Variants in CDC25B observed in about 807,000 individuals in gnomAD.
CDC25B encodes the protein cell division cycle 25B.
Under a neutral mutation model 69.8 loss-of-function variants are expected in CDC25B, and 33 were observed. That is an observed-to-expected ratio of 0.47 (90% confidence interval 0.36 to 0.63). The LOEUF (loss-of-function observed/expected upper bound fraction) is 0.63, where lower values mean the gene tolerates loss of function less well. Ranked by LOEUF, CDC25B falls within the 30% of genes least tolerant of loss-of-function variation. The pLI, the probability that CDC25B is intolerant of heterozygous loss-of-function variation, is 0.00. For synonymous variants in CDC25B, 341 were observed against 314.6 expected, an observed-to-expected ratio of 1.08 and a Z score of -0.89; for missense variants, 727 against 809.1, an observed-to-expected ratio of 0.90 and a Z score of 1.23.
Position 3,803,315 on chromosome 20 carries a change from G to T in CDC25B, c.1357-89G>T. 1 of 1,588,712 alleles carries T rather than the reference G, an allele frequency of 6.3e-7. No individual in the cohort carries two copies. The highest frequency in any genetic ancestry group is 8.6e-7 in the Non-Finnish European group (1 of 1,159,822). On this transcript the variant is annotated intron_variant, in intron 13 of 15. Coordinates refer to ENST00000245960, the MANE Select transcript of CDC25B (RefSeq NM_021873.4). This position sits in a 1 kb window ranked among gnomAD's most constrained non-coding sequence, Gnocchi z 4.9. ...ACGGGTGCCCCCTCTCATGGGGAGG[G>T]TTCCTACTAAGAGAAGGACAGCGAC...
At chr20:3,793,251 A>G (rs1326900534), upstream of CDC25B, among the ~76,000 whole-genome samples, 2 of 152,176 alleles carry the variant, frequency 1.3e-5, no homozygotes, top group Non-Finnish European at 2.9e-5. Flanking sequence ...TGAGGTCAGG[A>G]GTTCGAGACC....
chr20:3,802,433 T>A, intron 11 of CDC25B, 57 bp downstream of exon 11: 2 of 1,232,390 alleles, frequency 1.6e-6, no homozygotes, highest in Non-Finnish European at 2.4e-6. Context: ...TGACTAGGGG[T>A]CCTCTAGCCC....
chr20:3,792,180 C>T (rs1185065584), upstream of CDC25B, among the ~76,000 whole-genome samples: 3 of 152,310 alleles, frequency 2.0e-5, no homozygotes, highest in Non-Finnish European at 4.4e-5. Context: ...TCCCAAAGTA[C>T]TGGGATTACA....
intron 1 of CDC25B, among the ~76,000 whole-genome samples, chr20:3,797,107 G>T (rs575656317): frequency 6.6e-6 from 1 of 152,334 alleles, no homozygotes; most frequent in African/African-American, 2.4e-5. Context: ...TGGCAGAGCC[G>T]TGGAGCACTC....
chr20:3,797,514 G>A (rs2089102640), intron 1 of CDC25B, 108 bp from the exon 2 acceptor site: 4 of 1,394,374 alleles, frequency 2.9e-6, no homozygotes, highest in Non-Finnish European at 3.9e-6. Context: ...TCCCGGTGTA[G>A]TGTTTCGCTC....
intron 8 of CDC25B, 109 bp downstream of exon 8, chr20:3,801,497 A>T: frequency 7.3e-7 from 1 of 1,364,304 alleles, no homozygotes; most frequent in Non-Finnish European, 1.0e-6. Context: ...CCAGTGTCAG[A>T]AGAAGAATCT....
chr20:3,797,288 G>A (rs2089091448), intron 1 of CDC25B, among the ~76,000 whole-genome samples: 1 of 152,200 alleles, frequency 6.6e-6, no homozygotes, highest in African/African-American at 2.4e-5. Context: ...GTGGGGGTCT[G>A]ACAGTTTAGG....
At chr20:3,796,140 A>AT, upstream of CDC25B, 4 of 1,086,988 alleles carry the variant, frequency 3.7e-6, no homozygotes, top group Non-Finnish European at 4.5e-6. Context: ...ATAAATCTTA[A>AT]TTCCTCCGGC....
chr20:3,794,135 A>C (rs1022306012), upstream of CDC25B, among the ~76,000 whole-genome samples: 4 of 150,530 alleles, frequency 2.7e-5, no homozygotes, highest in African/African-American at 9.8e-5. Flanking sequence ...GGCTGGGTCA[A>C]ATGGTATTTC....
At chr20:3,788,515 T>A (rs1274752654) in intron 1 of CDC25B, among the ~76,000 whole-genome samples, 1 of 152,232 alleles carries the variant, frequency 6.6e-6, no homozygotes, top group Admixed American at 6.5e-5. Context: ...TTTTTCCTTA[T>A]TGCTTCGGGG....
At chr20:3,797,870 G>C (rs2089121268) in intron 2 of CDC25B, 121 bp downstream of exon 2, 3 of 1,236,912 alleles carry the variant, frequency 2.4e-6, no homozygotes. Context: ...GGTGGGCCCA[G>C]GAGCCTCTCC....
chr20:3,787,045 A>G, exon 1 of CDC25B: 1 of 583,666 alleles, frequency 1.7e-6, no homozygotes, highest in Non-Finnish European at 3.0e-6. Flanking sequence ...TTTTTTTTTT[A>G]ATTAAGGTAA....
chr20:3,797,593 C>T, intron 1 of CDC25B, 29 bp from the exon 2 acceptor site: 1 of 1,613,162 alleles, frequency 6.2e-7, no homozygotes, highest in Non-Finnish European at 8.5e-7. Flanking sequence ...TTACCTTTCT[C>T]CTTTCCCGGG....
Position 3,800,714 on chromosome 20 carries a change from TCTGCCTGCCGCC to T in CDC25B, c.460-21_460-10del, listed in dbSNP as rs11570003. Reference sequence around the variant, plus strand: ...GCCGGAGGAATGCAGCCTTCATTCCTCTGCCTGCCGCCCTGCCTGGCTCTCTAGGTGAGGCTG... The same window carrying T: ...GCCGGAGGAATGCAGCCTTCATTCCTCTGCCTGGCTCTCTAGGTGAGGCTG... On this transcript the variant is annotated splice_polypyrimidine_tract_variant and intron_variant, in intron 5 of 15. Coordinates refer to ENST00000245960, the MANE Select transcript of CDC25B (RefSeq NM_021873.4). 0.065 allele frequency: 104,758 copies of T among 1,603,122 alleles called. 3,999 individuals are homozygous for T. Among genetic ancestry groups the T allele is most frequent in the Non-Finnish European group, 0.078 (92,001 of 1,177,958 alleles).
At chr20:3,790,489 ACT>A (rs1292585773) in intron 1 of CDC25B, among the ~76,000 whole-genome samples, 2 of 136,936 alleles carry the variant, frequency 1.5e-5, no homozygotes, top group East Asian at 4.4e-4. Context: ...GGTTCAAGAA[ACT>A]CTGTCTCAAA....
chr20:3,802,652 G>A, intron 11 of CDC25B: 1 of 600,568 alleles, frequency 1.7e-6, no homozygotes, highest in Non-Finnish European at 3.0e-6. Context: ...TCACCTTCGG[G>A]CTTGGCAGAG....
At chr20:3,799,601 T>C (rs974736045) in intron 3 of CDC25B, among the ~76,000 whole-genome samples, 1 of 151,886 alleles carries the variant, frequency 6.6e-6, no homozygotes, top group Non-Finnish European at 1.5e-5. Context: ...GGGCGGGGCC[T>C]CAGAGGGAAC....
intron 10 of CDC25B, 26 bp downstream of exon 10, chr20:3,802,126 CT>C: frequency 6.5e-7 from 1 of 1,541,494 alleles, no homozygotes; most frequent in Non-Finnish European, 8.8e-7. Context: ...CTGGGGTTCA[CT>C]TTGGCATGCA....
At chr20:3,797,020 C>A (rs2089081800) in intron 1 of CDC25B, among the ~76,000 whole-genome samples, 1 of 152,184 alleles carries the variant, frequency 6.6e-6, no homozygotes, top group South Asian at 2.1e-4. Flanking sequence ...CACCACGCTG[C>A]CTCCGTAATC....
Sources: allele counts gnomAD v4.1 joint callset (sites outside exome capture counted in the v4.1 genomes callset), GRCh38; gene constraint gnomAD v4.1.1; non-coding constraint Gnocchi (gnomAD v3.1); transcripts MANE v1.5; gene names NCBI Gene and HGNC (gene_info 2026-07-23, HGNC 2026-07-21).